Variants in RAPGEF3 observed in about 807,000 individuals in gnomAD.
RAPGEF3 encodes Rap guanine nucleotide exchange factor 3.
A neutral mutation model predicts 129.8 loss-of-function variants in RAPGEF3; 103 were observed. That is an observed-to-expected ratio of 0.79 (90% CI 0.68 to 0.93). The LOEUF (loss-of-function observed/expected upper bound fraction) is 0.93. Among genes scored for constraint, RAPGEF3 ranks in the 40% least tolerant of loss-of-function variants. The pLI, the probability that RAPGEF3 is intolerant of heterozygous loss-of-function variation, is 0.00. For synonymous variants in RAPGEF3, 436 were observed against 482.6 expected (o/e 0.90, Z 1.26); for missense variants, 1,117 against 1,207.4 (o/e 0.93, Z 1.11).
intron 23 of RAPGEF3, 100 bp from the exon 24 acceptor site, chr12:47,739,330 C>T (rs1003777364): frequency 1.1e-6 from 1 of 917,610 alleles, no homozygotes. Context: ...ACAGCAGGTG[C>T]AGAGGCCCCA....
intron 1 of RAPGEF3, 138 bp from the exon 2 acceptor site, chr12:47,758,216 G>A: frequency 7.0e-7 from 1 of 1,438,262 alleles, no homozygotes; most frequent in Non-Finnish European, 9.1e-7. Context: ...CCTGCCAGGA[G>A]CTGGGGGGAG....
Position 47,758,724 on chromosome 12 carries a change from G to T in RAPGEF3, c.-168C>A. On this transcript the variant is annotated 5_prime_UTR_variant, in exon 1 of 28. Coordinates refer to ENST00000449771, the MANE Select transcript of RAPGEF3 (RefSeq NM_001098531.4). ...GGACTGGCTGCCAGGGCAGCAGGAT[G>T]CAGGGCTCGGTGGAGAGGCTCCTCT... 4.4e-6 allele frequency: 6 copies of T among 1,366,900 alleles called. No individual in the cohort carries two copies. Among genetic ancestry groups the T allele is most frequent in the Non-Finnish European group, 5.7e-6 (6 of 1,055,950 alleles). The allele number at this position is 1,366,900 out of a possible 1,614,324, so 84.7% of individuals were successfully genotyped here. A position where few individuals can be genotyped will look rare whatever the true frequency, so the allele number is the denominator to read the frequency against.
At chr12:47,738,917 C>T (rs1323206501) in intron 24 of RAPGEF3, 163 bp from the exon 25 acceptor site, 3 of 741,872 alleles carry the variant, frequency 4.0e-6, no homozygotes, top group Non-Finnish European at 6.8e-6. Context: ...TCTCTTAGGC[C>T]CTGAAGGCAG....
intron 22 of RAPGEF3, 38 bp from the exon 23 acceptor site, chr12:47,740,229 A>G (rs1592536877): frequency 6.2e-7 from 1 of 1,612,580 alleles, no homozygotes. Context: ...GCTCTGGGGG[A>G]GGCCCAGCCC....
At position 47,748,841 on chromosome 12, in the gene RAPGEF3, G is replaced by T; in HGVS notation, c.1132C>A (p.Pro378Thr). Residue 378 changes from proline (P) to threonine (T), a missense_variant, in exon 11 of 28, where the codon CCC (proline) becomes ACC (threonine). This residue lies in a region of RAPGEF3 where 107 missense variants were observed against 160.7 expected (regional missense o/e 0.67). Transcript: ENST00000449771. Reference sequence around the variant, plus strand: ...TACCGGTTCCTGCCTGGGGTTGGGGGTCGGGAAGGGCCGGCGCCCTGAGAG... The same window carrying T: ...TACCGGTTCCTGCCTGGGGTTGGGGTTCGGGAAGGGCCGGCGCCCTGAGAG... ...RASQGAGPSR[P>T]PTPGRNRYTV... 6.2e-7 allele frequency: 1 copy of T among 1,613,590 alleles called. No individual in the cohort carries two copies. Among genetic ancestry groups the T allele is most frequent in the African/African-American group, 1.3e-5 (1 of 75,010 alleles).
intron 1 of RAPGEF3, 190 bp downstream of exon 1, chr12:47,758,361 A>G: frequency 2.0e-6 from 3 of 1,468,642 alleles, no homozygotes; most frequent in Non-Finnish European, 2.7e-6. Context: ...CCCTGCAGGG[A>G]TCTCCACTAC....
chr12:47,740,268 C>T, intron 22 of RAPGEF3, 37 bp downstream of exon 22: 1 of 1,611,174 alleles, frequency 6.2e-7, no homozygotes, highest in Non-Finnish European at 8.5e-7. Flanking sequence ...GGGCCTGAGG[C>T]CTGACCTCAG....
chr12:47,750,015 G>A (rs749808488), intron 7 of RAPGEF3, 25 bp from the exon 8 acceptor site: 19 of 1,613,918 alleles, frequency 1.2e-5, no homozygotes, highest in Admixed American at 5.0e-5. Context: ...TAGGAGAGTC[G>A]GTGGCGACAA....
chr12:47,750,093 G>A, intron 7 of RAPGEF3, 103 bp from the exon 8 acceptor site: 2 of 1,378,004 alleles, frequency 1.5e-6, no homozygotes, highest in Non-Finnish European at 2.1e-6. Flanking sequence ...AGTGCTGGGG[G>A]ACAAAGATGT....
Position 47,751,135 on chromosome 12 carries a change from T to G in RAPGEF3, c.584A>C (p.His195Pro). 1.3e-6 allele frequency: 2 copies of G among 1,571,522 alleles called. No individual in the cohort carries two copies. Among genetic ancestry groups the G allele is most frequent in the Non-Finnish European group, 1.7e-6 (2 of 1,158,720 alleles). ...TTCGGCCAACTCCTCCTCCATCTCA[T>G]GAGTTCTCACGGGCTCGGGCTCGGG... ...PGPEPEPVRT[H>P]EMEEELAEAV... Residue 195 changes from histidine to proline, a missense_variant, in exon 6 of 28, where the codon CAT becomes CCT. Around this residue, in one of 3 missense-constraint regions of RAPGEF3, gnomAD observed 367 missense variants for 373.4 expected, o/e 0.98. Coordinates refer to ENST00000449771, the MANE Select transcript of RAPGEF3 (RefSeq NM_001098531.4).
intron 2 of RAPGEF3, among the ~76,000 whole-genome samples, chr12:47,757,063 G>C (rs1289114760): frequency 6.6e-6 from 1 of 152,154 alleles, no homozygotes; most frequent in Non-Finnish European, 1.5e-5. Context: ...GGAGGCCAAG[G>C]CAGGTGGATT....
At position 47,747,801 on chromosome 12, in the gene RAPGEF3, T is replaced by G; in HGVS notation, c.1384A>C (p.Arg462=). 2 of 1,607,564 alleles carry G rather than the reference T, an allele frequency of 1.2e-6. No individual in the cohort carries two copies. Among genetic ancestry groups the G allele is most frequent in the Non-Finnish European group, 8.5e-7 (1 of 1,179,986 alleles). ...QERSTYVCNK[R]QQILRLVSQW... is the part of the protein sequence containing the mutation. ...CTGACCAGCCGCAAGATCTGCTGCC[T>G]CTTGTTGCAGACGTAGGTGCTGCGC... is the stretch of plus-strand genomic sequence containing the variant. Residue 462 remains arginine (R), a synonymous_variant, in exon 14 of 28, where the codon AGG becomes CGG. Transcript: ENST00000449771.
At chr12:47,757,715 A>C (rs1942166291) in intron 2 of RAPGEF3, 151 bp downstream of exon 2, 3 of 717,840 alleles carry the variant, frequency 4.2e-6, no homozygotes. Flanking sequence ...CGCACACTGC[A>C]GACAAGCTTC....
chr12:47,750,454 C>T (rs1941677895), intron 6 of RAPGEF3, 29 bp from the exon 7 acceptor site: 1 of 1,589,918 alleles, frequency 6.3e-7, no homozygotes, highest in Non-Finnish European at 8.6e-7. Context: ...TGGGAGCACA[C>T]TGTGAACTGT....
intron 23 of RAPGEF3, chr12:47,739,631 C>G: frequency 2.5e-6 from 1 of 406,920 alleles, no homozygotes; most frequent in Non-Finnish European, 4.6e-6. Flanking sequence ...CTCTTCTCTG[C>G]TTCTCTCCAG....
rs1940738020 is a variant in RAPGEF3 at position 47,734,366 on chromosome 12, A to C, written c.*3201T>G. On this transcript the variant is annotated 3_prime_UTR_variant, in exon 28 of 28. Transcript: ENST00000449771. Reference sequence around the variant, plus strand: ...TGAAAATAAAAGAATGTGGGAATGGAGAGAGGGAAAAAGGAATTTATATGC... The same window carrying C: ...TGAAAATAAAAGAATGTGGGAATGGCGAGAGGGAAAAAGGAATTTATATGC... The C allele has an allele frequency of 6.6e-6, 1 of 152,216 alleles. No individual in the cohort carries two copies. The highest frequency in any genetic ancestry group is 1.5e-5 in the Non-Finnish European group (1 of 68,062). 9.4% of individuals were successfully genotyped at this position (152,216 alleles called of 1,614,324 possible).
Position 47,739,155 on chromosome 12 carries a change from G to C in RAPGEF3, c.2449C>G (p.Leu817Val), listed in dbSNP as rs1258583441. The C allele has an allele frequency of 2.5e-6, 4 of 1,599,856 alleles. No individual in the cohort carries two copies. The South Asian group carries it at 3.3e-5, about 13-fold the overall frequency. The change falls in exon 24 of 28, where the codon CTT becomes GTT. Residue 817 changes from leucine (L) to valine (V), a missense_variant. Leu to Val is a conservative substitution (Grantham distance 32). This residue lies in a region of RAPGEF3 where 643 missense variants were observed against 673.4 expected (regional missense o/e 0.95). Coordinates refer to ENST00000449771, the MANE Select transcript of RAPGEF3 (RefSeq NM_001098531.4). ...LSPPVIPFMP[L>V]LLKDMTFIHE... The stretch of plus-strand genomic sequence containing the variant: ...GAAGCCCTGTTACCTTTGAGAAGAA[G>C]GGGCATGAAGGGGATGACAGGAGGG...
At position 47,748,077 on chromosome 12, in the gene RAPGEF3, T is replaced by C. The variant is rs1397484395; in HGVS notation, c.1319A>G (p.His440Arg). The C allele has an allele frequency of 1.9e-6, 3 of 1,581,980 alleles. No homozygotes were observed. In the African/African-American group the frequency reaches 4.0e-5, roughly 21 times the overall value. ...PSAQLCAALL[H>R]HFHVEPAGGS... ...CCCCCTGGAGCTGGAAGGATATTGGTGCAGAAGGGCAGCGCAGAGTTGGGC... is the reference window on the plus strand; with the variant it reads ...CCCCCTGGAGCTGGAAGGATATTGGCGCAGAAGGGCAGCGCAGAGTTGGGC... Residue 440 changes from histidine to arginine, a missense_variant, in exon 13 of 28, where the codon CAC becomes CGC. His to Arg is a conservative substitution (Grantham distance 29). Around this residue, in one of 3 missense-constraint regions of RAPGEF3, gnomAD observed 643 missense variants for 673.4 expected, o/e 0.95. Transcript: ENST00000449771.
At chr12:47,739,574 G>A (rs906466255) in intron 23 of RAPGEF3, 11 of 482,876 alleles carry the variant, frequency 2.3e-5, no homozygotes, top group South Asian at 1.2e-4. Flanking sequence ...TGAGCCCCAC[G>A]AGGTGGATTT....
Sources: allele counts gnomAD v4.1 joint callset (sites outside exome capture counted in the v4.1 genomes callset), GRCh38; gene constraint gnomAD v4.1.1; regional missense constraint gnomAD v4.1.1; transcripts MANE v1.5; gene names NCBI Gene and HGNC (gene_info 2026-07-23, HGNC 2026-07-21).